ANKDD1A: variants seen among roughly 807,000 people sequenced by gnomAD.
ANKDD1A encodes the protein ankyrin repeat and death domain containing 1A, also known as ankyrin repeat and death domain-containing protein 1A.
In ANKDD1A, 59 loss-of-function variants were observed where a neutral mutation model predicts 63.5. That is an observed-to-expected ratio of 0.93 (90% CI 0.75 to 1.15). The LOEUF (loss-of-function observed/expected upper bound fraction) is 1.15, where lower values mean the gene tolerates loss of function less well. Among genes scored for constraint, ANKDD1A ranks in the 50% most tolerant of loss-of-function variants. ANKDD1A has a pLI of 0.00. For missense variants in ANKDD1A, 632 were observed against 656.4 expected (o/e 0.96, Z 0.41); for synonymous variants, 266 against 263.9 (o/e 1.01, Z -0.08).
At chr15:64,949,060 G>A (rs2085247945) in intron 13 of ANKDD1A, among the ~76,000 whole-genome samples, 1 of 152,226 alleles carries the variant, frequency 6.6e-6, no homozygotes, top group African/African-American at 2.4e-5. Flanking sequence ...GTGAGGACAT[G>A]CCTGCTGAGG....
intron 14 of ANKDD1A, among the ~76,000 whole-genome samples, chr15:64,954,122 CCTTTCTTCTTCCT>C (rs1168438300): frequency 7.7e-6 from 1 of 130,588 alleles, no homozygotes; most frequent in African/African-American, 2.7e-5. Flanking sequence ...TTTCTTTTCT[CCTTTCTTCTTCCT>C]CTTTCTTCTT....
At chr15:64,951,710 TC>T in intron 14 of ANKDD1A, among the ~76,000 whole-genome samples, 1 of 132,840 alleles carries the variant, frequency 7.5e-6, no homozygotes, top group Non-Finnish European at 1.7e-5. Context: ...TTCCTTATTT[TC>T]TTTTTCTTCC....
Position 64,916,803 on chromosome 15 carries a change from TAC to T in ANKDD1A, c.139-581_139-580del, listed in dbSNP as rs555838677. Among the ~76,000 whole-genome samples the T allele has an allele frequency of 1.3e-3, 202 of 152,166 alleles. 3 individuals are homozygous for T. The highest frequency in any genetic ancestry group is 3.4e-3 in the Middle Eastern group (1 of 294). The stretch of plus-strand genomic sequence containing the variant: ...CATTGTCCCCTCATAAGCTGAGAAC[TAC>T]AGAGGGGAGAAGTGGGCACAGGGGC... On this transcript the variant is annotated intron_variant, in intron 2 of 14. Transcript: ENST00000319580.
At chr15:64,926,040 A>C (rs776732241) in intron 4 of ANKDD1A, 26 bp from the exon 5 acceptor site, 2 of 1,603,220 alleles carry the variant, frequency 1.2e-6, no homozygotes, top group Non-Finnish European at 8.5e-7. Context: ...CACAGACTGC[A>C]GGAACCCTCC....
rs2085346588 is a variant in ANKDD1A at position 64,953,554 on chromosome 15, T to TTTCTTCTTCCTTCTC, written c.1484-3549_1484-3548insTTCTTCTTCCTTCTC. 3.0e-3 allele frequency among the ~76,000 whole-genome samples: 242 copies of TTTCTTCTTCCTTCTC among 81,698 alleles called. 8 individuals carry two copies. The South Asian group carries it at 0.096, about 33-fold the overall frequency. The allele number at this position is 81,698 out of a possible 152,430, so 53.6% of individuals were successfully genotyped here. ...TTCTCCTCTCCTTCTTCCTTCTCCT[T>TTTCTTCTTCCTTCTC]CTTTCTTCCTCCTTCTTCTTAGTTC... On this transcript the variant is annotated intron_variant, in intron 14 of 14. Transcript: ENST00000319580.
intron 1 of ANKDD1A, among the ~76,000 whole-genome samples, chr15:64,912,631 C>T (rs1236920588): frequency 6.6e-6 from 1 of 152,192 alleles, no homozygotes; most frequent in African/African-American, 2.4e-5. Context: ...TTGGCTGCAC[C>T]GTCTGGGAGA....
intron 3 of ANKDD1A, among the ~76,000 whole-genome samples, chr15:64,920,678 A>T (rs1449847973): frequency 1.3e-5 from 2 of 152,072 alleles, no homozygotes; most frequent in South Asian, 2.1e-4. Context: ...CAGTCTCTCA[A>T]GTAGCTGGGA....
chr15:64,953,231 TTCTTTCTTCTTTCCTCC>T (rs1476908113), intron 14 of ANKDD1A, among the ~76,000 whole-genome samples: 3 of 145,270 alleles, frequency 2.1e-5, no homozygotes, highest in Admixed American at 1.3e-4. Flanking sequence ...TTCCTTATTC[TTCTTTCTTCTTTCCTCC>T]TCTTTCTTCT....
chr15:64,952,499 TCTC>T (rs1263817422), intron 14 of ANKDD1A, among the ~76,000 whole-genome samples: 2 of 99,584 alleles, frequency 2.0e-5, no homozygotes, highest in African/African-American at 3.9e-5. Flanking sequence ...GTCACCGTCT[TCTC>T]CTTCTTCTTA....
rs188288399 is a variant in ANKDD1A, at chr15:64,916,305, G to A, written c.138+405G>A. Among the ~76,000 whole-genome samples the A allele has an allele frequency of 1.4e-4, 21 of 151,644 alleles. No homozygotes were observed. The East Asian group carries it at 3.9e-3, about 28-fold the overall frequency. On this transcript the variant is annotated intron_variant, in intron 2 of 14. Transcript: ENST00000319580. ...CTCTGTGATAAGTTGTCGTAAGAGC[G>A]TGTGCAGGAGGGTCGGCTTTTTTTC...
At chr15:64,918,444 C>T (rs1347358496) in intron 3 of ANKDD1A, among the ~76,000 whole-genome samples, 2 of 152,164 alleles carry the variant, frequency 1.3e-5, no homozygotes, top group African/African-American at 4.8e-5. Context: ...TGTCTCCTCC[C>T]TGTACCTGCT....
At chr15:64,954,618 TCTTTTCTTCTTCCTTTTCTTCTTC>T (rs1188761532) in intron 14 of ANKDD1A, among the ~76,000 whole-genome samples, 1 of 116,130 alleles carries the variant, frequency 8.6e-6, no homozygotes, top group Non-Finnish European at 1.8e-5. Context: ...TCCTCCTTCC[TCTTTTCTTCTTCCTTTTCTTCTTC>T]CTTCTTCTTC....
intron 14 of ANKDD1A, chr15:64,951,340 C>G: frequency 1.7e-6 from 1 of 584,512 alleles, no homozygotes; most frequent in Non-Finnish European, 2.0e-6. Context: ...CTTTTTCTTT[C>G]TTCTTTCCTC....
At chr15:64,952,348 G>GCTTTC (rs2085305383) in intron 14 of ANKDD1A, among the ~76,000 whole-genome samples, 1 of 66,458 alleles carries the variant, frequency 1.5e-5, no homozygotes, top group Admixed American at 2.2e-4. Context: ...CTTCTTCTTA[G>GCTTTC]TTCTTCCTCC....
At chr15:64,916,471 G>A (rs752835291) in intron 2 of ANKDD1A, among the ~76,000 whole-genome samples, 5 of 151,810 alleles carry the variant, frequency 3.3e-5, no homozygotes, top group Non-Finnish European at 5.9e-5. Context: ...GACTACAGGC[G>A]TGTGCCACCA....
intron 9 of ANKDD1A, among the ~76,000 whole-genome samples, chr15:64,936,808 C>T (rs1320955090): frequency 6.6e-6 from 1 of 152,094 alleles, no homozygotes; most frequent in African/African-American, 2.4e-5. Context: ...CACACCACTG[C>T]ACTCCAGCCT....
At chr15:64,951,423 TTTTCTTCTTTTTC>T (rs2085273718) in intron 14 of ANKDD1A, 1 of 142,064 alleles carries the variant, frequency 7.0e-6, no homozygotes, top group Non-Finnish European at 1.1e-5. Context: ...TTTCTTCCTC[TTTTCTTCTTTTTC>T]TTTCTTCTTC....
At chr15:64,917,563 G>A (rs778613793) in intron 3 of ANKDD1A, 49 bp downstream of exon 3, 1 of 1,535,864 alleles carries the variant, frequency 6.5e-7, no homozygotes, top group Admixed American at 2.0e-5. Flanking sequence ...GGGCACTGGA[G>A]ATCTCTCTGG....
chr15:64,931,210 AG>A (rs1193428811), intron 7 of ANKDD1A, among the ~76,000 whole-genome samples: 10 of 152,090 alleles, frequency 6.6e-5, no homozygotes, highest in African/African-American at 2.4e-4. Flanking sequence ...AAGGAAATAG[AG>A]GGGAGGGGCT....
Sources: allele counts gnomAD v4.1 joint callset (sites outside exome capture counted in the v4.1 genomes callset), GRCh38; gene constraint gnomAD v4.1.1; transcripts MANE v1.5; gene names NCBI Gene and HGNC (gene_info 2026-07-23, HGNC 2026-07-21).